Variants in LRRC37A2 observed in about 807,000 individuals in gnomAD.
The protein encoded by LRRC37A2 is leucine rich repeat containing 37 member A2.
In LRRC37A2, 9 loss-of-function variants were observed where a neutral mutation model predicts 68.8. The observed-to-expected ratio is 0.13, with a 90% CI of 0.08 to 0.23. LRRC37A2 has a LOEUF of 0.23. Among genes scored for constraint, LRRC37A2 ranks in the 10% least tolerant of loss-of-function variants. LRRC37A2 has a pLI of 1.00. For synonymous variants in LRRC37A2, 63 were observed against 367.6 expected (o/e 0.17, Z 9.48); for missense variants, 168 against 950.4 (o/e 0.18, Z 10.82).
the LRRC37A2 span, among the ~76,000 whole-genome samples, chr17:46,808,865 C>T: frequency 6.6e-6 from 1 of 152,114 alleles, no homozygotes; most frequent in Admixed American, 6.6e-5. Context: ...ATCTCCACTC[C>T]TGGGACAGCA....
the LRRC37A2 span, among the ~76,000 whole-genome samples, chr17:46,887,777 G>A: frequency 1.3e-5 from 2 of 150,618 alleles, no homozygotes; most frequent in African/African-American, 4.8e-5. Context: ...AAGAAAGAAA[G>A]AAAGAAAGAA....
chr17:46,951,916 A>T, the LRRC37A2 span, among the ~76,000 whole-genome samples: 1 of 151,758 alleles, frequency 6.6e-6, no homozygotes, highest in Non-Finnish European at 1.5e-5. Context: ...CCTCCCTCAC[A>T]GCCCAGCTCC....
the LRRC37A2 span, among the ~76,000 whole-genome samples, chr17:46,863,125 A>G: frequency 6.9e-6 from 1 of 144,396 alleles, no homozygotes. Flanking sequence ...AGGGCGTGGC[A>G]CAGGCAGCCT....
chr17:46,849,149 G>A, the LRRC37A2 span, among the ~76,000 whole-genome samples: 131 of 152,326 alleles, frequency 8.6e-4, 3 homozygotes, highest in East Asian at 0.022. Context: ...CAAGGGTGGG[G>A]CCACGCCATT....
the LRRC37A2 span, among the ~76,000 whole-genome samples, chr17:47,015,984 G>A: frequency 0.075 from 11,360 of 151,916 alleles, 509 homozygotes; most frequent in Middle Eastern, 0.12. Flanking sequence ...CTCTCTTGTT[G>A]CCCAGGCTGA....
the LRRC37A2 span, chr17:46,755,392 G>T: frequency 1.9e-6 from 3 of 1,597,416 alleles, no homozygotes; most frequent in South Asian, 3.3e-5. Context: ...AACATTTAAT[G>T]ACCATCAACC....
the LRRC37A2 span, among the ~76,000 whole-genome samples, chr17:46,902,980 C>T: frequency 3.9e-5 from 6 of 152,042 alleles, no homozygotes; most frequent in South Asian, 4.1e-4. Flanking sequence ...TCTCCTTTCT[C>T]GAAAAAGGAT....
chr17:46,493,400 G>A, the LRRC37A2 span, among the ~76,000 whole-genome samples: 86 of 131,176 alleles, frequency 6.6e-4, no homozygotes, highest in Middle Eastern at 3.9e-3. Context: ...GGGCTCAAGC[G>A]ATCTGCCTGC....
At chr17:46,901,658 C>T in the LRRC37A2 span, among the ~76,000 whole-genome samples, 1 of 152,214 alleles carries the variant, frequency 6.6e-6, no homozygotes, top group African/African-American at 2.4e-5. Context: ...GGGAAAGAAG[C>T]TGAAGAGAAC....
the LRRC37A2 span, among the ~76,000 whole-genome samples, chr17:46,829,416 C>T: frequency 2.0e-5 from 3 of 152,130 alleles, no homozygotes; most frequent in Non-Finnish European, 4.4e-5. Context: ...GTGATCTACC[C>T]GCCTCAGCCT....
At chr17:46,928,067 C>G in the LRRC37A2 span, among the ~76,000 whole-genome samples, 1 of 152,048 alleles carries the variant, frequency 6.6e-6, no homozygotes, top group East Asian at 1.9e-4. Flanking sequence ...ACATCAGCCC[C>G]CATACCTCCA....
chr17:46,822,811 C>T, the LRRC37A2 span, among the ~76,000 whole-genome samples: 1 of 152,012 alleles, frequency 6.6e-6, no homozygotes. Context: ...CCGCCAGATC[C>T]ACCCTGCGGA....
chr17:46,573,036 G>A, the LRRC37A2 span, among the ~76,000 whole-genome samples: 1 of 117,304 alleles, frequency 8.5e-6, no homozygotes, highest in Non-Finnish European at 1.8e-5. Context: ...GGAAAAGAAG[G>A]AAAGATGTCC....
At chr17:47,036,710 C>T in the LRRC37A2 span, among the ~76,000 whole-genome samples, 1 of 150,960 alleles carries the variant, frequency 6.6e-6, no homozygotes, top group Non-Finnish European at 1.5e-5. Context: ...TGTCTGTCCA[C>T]ATTCCAGTAT....
chr17:47,027,298 C>T, the LRRC37A2 span, among the ~76,000 whole-genome samples: 2 of 152,006 alleles, frequency 1.3e-5, no homozygotes, highest in East Asian at 3.9e-4. Flanking sequence ...TACAAAAGGG[C>T]ATCTAATCAA....
chr17:46,548,480 G>A, exon 10 of LRRC37A2: 1 of 1,173,798 alleles, frequency 8.5e-7, no homozygotes, highest in South Asian at 1.4e-5. Flanking sequence ...AATGACGAGA[G>A]TGATTTTATC....
the LRRC37A2 span, chr17:46,978,911 C>T: frequency 6.8e-7 from 1 of 1,474,348 alleles, no homozygotes; most frequent in Non-Finnish European, 8.9e-7. Context: ...AGCCACGTGC[C>T]CAGCCCGTGG....
chr17:46,635,812 T>TGTGTGTGTGC, the LRRC37A2 span, among the ~76,000 whole-genome samples: 7 of 142,646 alleles, frequency 4.9e-5, no homozygotes, highest in Admixed American at 1.4e-4. Flanking sequence ...TGTGTGTGTG[T>TGTGTGTGTGC]GTGTGTGCTC....
chr17:46,734,795 G>A, the LRRC37A2 span, among the ~76,000 whole-genome samples: 2 of 152,134 alleles, frequency 1.3e-5, no homozygotes, highest in South Asian at 2.1e-4. Context: ...TGTGGCTCAC[G>A]CCTGTAATCC....
Sources: allele counts gnomAD v4.1 joint callset (sites outside exome capture counted in the v4.1 genomes callset), GRCh38; gene constraint gnomAD v4.1.1; transcripts MANE v1.5; gene names NCBI Gene and HGNC (gene_info 2026-07-23, HGNC 2026-07-21).